Variants in PIP4K2A observed in about 807,000 individuals in gnomAD.
PIP4K2A encodes phosphatidylinositol-5-phosphate 4-kinase type 2 alpha, also known as phosphatidylinositol 5-phosphate 4-kinase type-2 alpha.
A neutral mutation model predicts 42.9 loss-of-function variants in PIP4K2A; 14 were observed. The ratio of observed to expected loss-of-function variants is 0.33; its 90% CI spans 0.22 to 0.51. The LOEUF (loss-of-function observed/expected upper bound fraction) is 0.51. Among genes scored for constraint, PIP4K2A ranks in the 20% least tolerant of loss-of-function variants. The probability of loss-of-function intolerance (pLI) is 0.97; values close to 1 mark genes in which losing one functional copy is unlikely to be tolerated. For missense variants in PIP4K2A, 434 were observed against 519.8 expected (o/e 0.83, Z 1.61); for synonymous variants, 192 against 192.2 (o/e 1.00, Z 0.01).
chr10:22,683,717 T>C (rs969019558), intron 1 of PIP4K2A, among the ~76,000 whole-genome samples: 1 of 152,106 alleles, frequency 6.6e-6, no homozygotes, highest in Non-Finnish European at 1.5e-5. Context: ...CACAGCTTCA[T>C]CTTTCCAGAC....
At position 22,632,291 on chromosome 10, in the gene PIP4K2A, T is replaced by C. The variant is rs139715738; in HGVS notation, c.145-22574A>G. On this transcript the variant is annotated intron_variant, in intron 1 of 9. Transcript: ENST00000376573. ...GTGTTAGTTTCCTCATATTCATAAC[T>C]GTACTATTTGTTATATAAGATGTTA... 1.2e-3 allele frequency among the ~76,000 whole-genome samples: 189 copies of C among 152,296 alleles called. 4 individuals carry two copies. The East Asian group carries it at 0.032, about 26-fold the overall frequency.
At chr10:22,640,012 GTCTTTT>G (rs1165506302) in intron 1 of PIP4K2A, among the ~76,000 whole-genome samples, 2 of 71,704 alleles carry the variant, frequency 2.8e-5, no homozygotes, top group African/African-American at 1.2e-4. Context: ...TGGATGTGTT[GTCTTTT>G]TTTTTTTTTT....
At chr10:22,645,931 A>G (rs556244607) in intron 1 of PIP4K2A, among the ~76,000 whole-genome samples, 4 of 152,240 alleles carry the variant, frequency 2.6e-5, no homozygotes, top group African/African-American at 9.6e-5. Flanking sequence ...TATGTTGCCC[A>G]GGCTGGTCTG....
chr10:22,610,955 C>G (rs1838021368), intron 1 of PIP4K2A, among the ~76,000 whole-genome samples: 3 of 152,036 alleles, frequency 2.0e-5, no homozygotes. Context: ...TTAATATTTT[C>G]AAGACTTTAG....
At chr10:22,554,658 G>T (rs1460957421) in intron 6 of PIP4K2A, among the ~76,000 whole-genome samples, 1 of 152,252 alleles carries the variant, frequency 6.6e-6, no homozygotes, top group African/African-American at 2.4e-5. Context: ...TGAAGTGGCG[G>T]CGGGCCGAGT....
chr10:22,641,319 T>G (rs1241737117), intron 1 of PIP4K2A, among the ~76,000 whole-genome samples: 1 of 152,208 alleles, frequency 6.6e-6, no homozygotes, highest in African/African-American at 2.4e-5. Context: ...GGCCACTCTC[T>G]GCCACTACAG....
intron 1 of PIP4K2A, among the ~76,000 whole-genome samples, chr10:22,652,323 G>A (rs1283602319): frequency 2.0e-5 from 3 of 151,962 alleles, no homozygotes; most frequent in African/African-American, 7.3e-5. Flanking sequence ...GTTTCACCAT[G>A]TTGCCCAGGC....
At chr10:22,539,929 GA>G in intron 9 of PIP4K2A, 41 bp downstream of exon 9, 2 of 1,019,518 alleles carry the variant, frequency 2.0e-6, no homozygotes, top group East Asian at 2.4e-5. Context: ...GAGAGAGAGA[GA>G]GGGAGAGAAA....
At chr10:22,682,818 C>G (rs928906694) in intron 1 of PIP4K2A, among the ~76,000 whole-genome samples, 1 of 152,164 alleles carries the variant, frequency 6.6e-6, no homozygotes, top group Non-Finnish European at 1.5e-5. Flanking sequence ...CCACATTAAC[C>G]CTTGCTGGGA....
At chr10:22,551,205 G>C (rs1836403424) in intron 6 of PIP4K2A, among the ~76,000 whole-genome samples, 1 of 152,110 alleles carries the variant, frequency 6.6e-6, no homozygotes, top group African/African-American at 2.4e-5. Context: ...AGCCGTTGCT[G>C]GGCTCACATT....
chr10:22,585,590 T>G (rs1208948949), intron 4 of PIP4K2A, among the ~76,000 whole-genome samples: 2 of 151,690 alleles, frequency 1.3e-5, no homozygotes, highest in Non-Finnish European at 2.9e-5. Context: ...GGGAAGTATG[T>G]TACCAACAGT....
intron 3 of PIP4K2A, among the ~76,000 whole-genome samples, chr10:22,599,169 C>T (rs1047746483): frequency 4.6e-5 from 7 of 152,190 alleles, no homozygotes; most frequent in Non-Finnish European, 8.8e-5. Context: ...AGATATGACT[C>T]ACATATCATA....
intron 4 of PIP4K2A, among the ~76,000 whole-genome samples, chr10:22,581,150 TTTC>T (rs1418367920): frequency 4.4e-3 from 2 of 452 alleles, no homozygotes; most frequent in East Asian, 0.2. Context: ...GAGTAGGGCT[TTTC>T]TTTCCCCTGA....
chr10:22,656,665 C>T (rs1221748873), intron 1 of PIP4K2A, among the ~76,000 whole-genome samples: 5 of 151,804 alleles, frequency 3.3e-5, no homozygotes, highest in African/African-American at 7.3e-5. Context: ...GGTGTGGTGG[C>T]GGGTACCTGT....
At chr10:22,674,782 A>AAAATAAATAAATAAATAAAT (rs71395814) in intron 1 of PIP4K2A, among the ~76,000 whole-genome samples, 4 of 148,402 alleles carry the variant, frequency 2.7e-5, no homozygotes, top group Non-Finnish European at 4.5e-5. Context: ...TCTCTACCAA[A>AAAATAAATAAATAAATAAAT]AAATAAATAA....
intron 4 of PIP4K2A, among the ~76,000 whole-genome samples, chr10:22,577,621 G>A (rs900284241): frequency 1.3e-5 from 2 of 152,116 alleles, no homozygotes; most frequent in Admixed American, 6.5e-5. Context: ...CCAGCCTCAG[G>A]TATTCCTCAC....
Position 22,591,769 on chromosome 10 carries a change from T to C in PIP4K2A, c.352A>G (p.Arg118Gly). The C allele has an allele frequency of 6.2e-7, 1 of 1,609,956 alleles. No individual in the cohort carries two copies. The highest frequency in any genetic ancestry group is 8.5e-7 in the Non-Finnish European group (1 of 1,177,720). Residue 118 changes from arginine to glycine, a missense_variant, in exon 4 of 10, where the codon AGG (arginine) becomes GGG (glycine). Arg to Gly is a moderately radical substitution (Grantham distance 125, BLOSUM62 -2). Around this residue, in one of 2 missense-constraint regions of PIP4K2A, gnomAD observed 395 missense variants for 444.5 expected, o/e 0.89. Coordinates refer to ENST00000376573, the MANE Select transcript of PIP4K2A (RefSeq NM_005028.5). ...GAGTCGTTGGGGAGGGGTGCGCTCC[T>C]GGTCAGGGAATTCTTCCCGGGTGGG... is the stretch of plus-strand genomic sequence containing the variant. ...DDQDFQNSLT[R>G]SAPLPNDSQA... is the part of the protein sequence containing the mutation.
chr10:22,580,131 A>G (rs1452702807), intron 4 of PIP4K2A, among the ~76,000 whole-genome samples: 1 of 151,852 alleles, frequency 6.6e-6, no homozygotes, highest in African/African-American at 2.4e-5. Flanking sequence ...CACGGGTTGT[A>G]TCTTTAATGC....
intron 3 of PIP4K2A, among the ~76,000 whole-genome samples, chr10:22,602,036 C>T (rs2913109): frequency 0.8 from 121,554 of 152,076 alleles, 49,602 homozygotes; most frequent in East Asian, 0.9. Context: ...GATTTCATGG[C>T]CTCCTGATTT....
Sources: allele counts gnomAD v4.1 joint callset (sites outside exome capture counted in the v4.1 genomes callset), GRCh38; gene constraint gnomAD v4.1.1; regional missense constraint gnomAD v4.1.1; transcripts MANE v1.5; gene names NCBI Gene and HGNC (gene_info 2026-07-23, HGNC 2026-07-21).